Variants in LBR observed in about 807,000 individuals in gnomAD.
LBR encodes the protein delta(14)-sterol reductase LBR.
A neutral mutation model predicts 74.3 loss-of-function variants in LBR; 28 were observed. That is an observed-to-expected ratio of 0.38 (90% CI 0.28 to 0.52). LBR has a LOEUF of 0.52. Ranked by LOEUF, LBR falls within the 20% of genes least tolerant of loss-of-function variation. LBR has a pLI of 0.89. For missense variants in LBR, 717 were observed against 760.3 expected (o/e 0.94, Z 0.67); for synonymous variants, 228 against 269.3 (o/e 0.85, Z 1.50).
At position 225,410,395 on chromosome 1, in the gene LBR, G is replaced by C. The variant is rs1558651789; in HGVS notation, c.1210C>G (p.Leu404Val). ...IGWVVINLVMLLAEMKIQDRA... is the reference protein window; with the variant it reads ...IGWVVINLVMVLAEMKIQDRA... ...TCCTGTATTTTCATTTCAGCCAAAA[G>C]CATCACCAAGTTAATAACCACCTGA... The change falls in exon 10 of 14, where the codon CTT becomes GTT. Residue 404 changes from leucine (L) to valine (V), a missense_variant. Transcript: ENST00000272163. The C allele has an allele frequency of 3.7e-6, 6 of 1,614,122 alleles. No individual in the cohort carries two copies. Among genetic ancestry groups the C allele is most frequent in the Non-Finnish European group, 5.1e-6 (6 of 1,180,030 alleles).
Position 225,424,105 on chromosome 1 carries a change from G to C in LBR, c.-14-16C>G. 1.2e-6 allele frequency: 2 copies of C among 1,603,742 alleles called. No homozygotes were observed. The highest frequency in any genetic ancestry group is 1.7e-6 in the Non-Finnish European group (2 of 1,170,840). On this transcript the variant is annotated splice_polypyrimidine_tract_variant and intron_variant, in intron 1 of 13. Coordinates refer to ENST00000272163, the MANE Select transcript of LBR (RefSeq NM_002296.4). ...TATAATTAACCTGAATAGTTTTAAA[G>C]AAAAAAATTTGAGTCAATACATACA... is the stretch of plus-strand genomic sequence containing the variant.
intron 1 of LBR, among the ~76,000 whole-genome samples, chr1:225,426,597 C>A (rs1398846933): frequency 6.6e-6 from 1 of 152,000 alleles, no homozygotes; most frequent in Admixed American, 6.5e-5. Flanking sequence ...ATTCTCTGCT[C>A]ATTAACATTA....
At chr1:225,413,829 T>C (rs1169136444) in intron 7 of LBR, 1 of 380,084 alleles carries the variant, frequency 2.6e-6, no homozygotes, top group South Asian at 1.9e-5. Flanking sequence ...TTAAAAAGGA[T>C]CAAGCAACTT....
At chr1:225,423,436 G>GC (rs2096132243) in intron 2 of LBR, among the ~76,000 whole-genome samples, 1 of 151,764 alleles carries the variant, frequency 6.6e-6, no homozygotes, top group Non-Finnish European at 1.5e-5. Flanking sequence ...CTCCTGCTTA[G>GC]CCCTCCCCTA....
At position 225,416,199 on chromosome 1, in the gene LBR, GAAA is replaced by G. The variant is rs767088477; in HGVS notation, c.838-870_838-868del. On this transcript the variant is annotated intron_variant, in intron 6 of 13. Transcript: ENST00000272163. ...GCAACAGAGCAAGACCCTGTCTCAA[GAAA>G]AAAAAAAAAAAAGAGAGAGAGAGAG... is the stretch of plus-strand genomic sequence containing the variant. Among the ~76,000 whole-genome samples the G allele has an allele frequency of 8.2e-3, 1,154 of 140,116 alleles. 8 individuals carry two copies. The highest frequency in any genetic ancestry group is 0.013 in the Non-Finnish European group (859 of 65,874). The allele number at this position is 140,116 out of a possible 152,430, so 91.9% of individuals were successfully genotyped here.
At chr1:225,405,751 T>G (rs1024874616) in intron 11 of LBR, among the ~76,000 whole-genome samples, 1 of 152,204 alleles carries the variant, frequency 6.6e-6, no homozygotes, top group Non-Finnish European at 1.5e-5. Flanking sequence ...AACTAAGACA[T>G]TCCCCATTTT....
chr1:225,413,004 C>T (rs181486871), intron 7 of LBR, among the ~76,000 whole-genome samples: 296 of 152,286 alleles, frequency 1.9e-3, no homozygotes, highest in Middle Eastern at 3.4e-3. Context: ...CTGGGCCAAA[C>T]ACATATTTTA....
rs751124930 is a variant in LBR, at chr1:225,422,192, G to C, written c.251C>G (p.Ser84Cys). 2.5e-6 allele frequency: 4 copies of C among 1,614,050 alleles called. No homozygotes were observed. The South Asian group carries it at 3.3e-5, about 13-fold the overall frequency. The change falls in exon 3 of 14, where the codon TCC becomes TGC. Residue 84 changes from serine to cysteine, a missense_variant. Coordinates refer to ENST00000272163, the MANE Select transcript of LBR (RefSeq NM_002296.4). ...TTTAGGTGGTCGACCAGGGGATCGG[G>C]AGCGTGACCTTGATCGACTCCCTCG... is the stretch of plus-strand genomic sequence containing the variant. ...RRRGSRSRSRSRSPGRPPKSA... is the reference protein window; with the variant it reads ...RRRGSRSRSRCRSPGRPPKSA...
upstream of LBR, chr1:225,428,666 G>C (rs956192972): frequency 9.9e-5 from 15 of 152,210 alleles, no homozygotes; most frequent in African/African-American, 3.6e-4. Flanking sequence ...CCGGCGGCGG[G>C]AGGGAGGGGG....
At position 225,418,078 on chromosome 1, in the gene LBR, G is replaced by A. The variant is rs140008883; in HGVS notation, c.743C>T (p.Pro248Leu). The A allele has an allele frequency of 2.9e-4, 467 of 1,614,162 alleles. No homozygotes were observed. The highest frequency in any genetic ancestry group is 3.8e-4 in the Non-Finnish European group (448 of 1,180,018). The change falls in exon 6 of 14, where the codon CCA (proline) becomes CTA (leucine). Residue 248 changes from proline to leucine, a missense_variant. Physicochemically the swap from Pro to Leu is moderately conservative, Grantham distance 98 (BLOSUM62 -3). Transcript: ENST00000272163. ...PSLLNFPPPL[P>L]ALYELWETRV... Reference sequence around the variant, plus strand: ...GGTTTCCCATAACTCATACAAAGCTGGCAAAGGAGGAGGGAAATTCAGAAG... The same window carrying A: ...GGTTTCCCATAACTCATACAAAGCTAGCAAAGGAGGAGGGAAATTCAGAAG...
chr1:225,420,089 CCT>C lies in LBR; in HGVS notation c.367-293_367-292del, dbSNP rs1275724244. On this transcript the variant is annotated intron_variant, in intron 3 of 13. Transcript: ENST00000272163. The stretch of plus-strand genomic sequence containing the variant: ...TTGGGAGGCCAAGGCGGGTGGATCA[CCT>C]GAGGTCAGGAGTTCAAGACCAGCCT... 6.6e-5 allele frequency among the ~76,000 whole-genome samples: 10 copies of C among 152,216 alleles called. 1 individual carries two copies. In the East Asian group the frequency reaches 1.9e-3, roughly 30 times the overall value.
rs2096101982 is a variant in LBR, at chr1:225,410,284, T to G, written c.1314+7A>C. ...ACTCCAAGGCCTCGGCTCTTAAAAT[T>G]AATTACCTCATTCCAGAGAGCATCC... is the stretch of plus-strand genomic sequence containing the variant. On this transcript the variant is annotated splice_region_variant and intron_variant, in intron 10 of 13. Transcript: ENST00000272163. 2 of 1,614,006 alleles carry G rather than the reference T, an allele frequency of 1.2e-6. No individual in the cohort carries two copies. Among genetic ancestry groups the G allele is most frequent in the Non-Finnish European group, 1.7e-6 (2 of 1,179,948 alleles).
intron 1 of LBR, among the ~76,000 whole-genome samples, chr1:225,426,469 A>G (rs1477436499): frequency 6.6e-6 from 1 of 152,212 alleles, no homozygotes; most frequent in Non-Finnish European, 1.5e-5. Flanking sequence ...AACAGGAAAA[A>G]CACGGAGACC....
rs1215843389 is a variant in LBR, at chr1:225,403,382, T to C, written c.1769A>G (p.His590Arg). The change falls in exon 14 of 14, where the codon CAC becomes CGC. Residue 590 changes from histidine (H) to arginine (R), a missense_variant. By Grantham distance (29) the His-to-Arg change is conservative (BLOSUM62 0). Coordinates refer to ENST00000272163, the MANE Select transcript of LBR (RefSeq NM_002296.4). ...AGCCACGCCGTATTTCTTCTTACAG[T>C]GGTACTCGTCACGAGCTTCTCGGTG... ...LVHREARDEY[H>R]CKKKYGVAWE... is the part of the protein sequence containing the mutation. 50 of 1,613,374 alleles carry C rather than the reference T, an allele frequency of 3.1e-5. No homozygotes were observed. The highest frequency in any genetic ancestry group is 4.2e-5 in the Non-Finnish European group (50 of 1,179,696).
intron 2 of LBR, 93 bp downstream of exon 2, chr1:225,423,818 G>T (rs567040341): frequency 1.6e-6 from 2 of 1,245,900 alleles, no homozygotes; most frequent in South Asian, 1.2e-5. Flanking sequence ...CCTTCAAACC[G>T]AGCTGAACTG....
At chr1:225,422,981 G>A (rs1321110548) in intron 2 of LBR, among the ~76,000 whole-genome samples, 1 of 152,144 alleles carries the variant, frequency 6.6e-6, no homozygotes, top group Non-Finnish European at 1.5e-5. Flanking sequence ...CTTCCATACT[G>A]CCTGGAGCCG....
At position 225,403,203 on chromosome 1, in the gene LBR, C is replaced by T; in HGVS notation, c.*100G>A. 9.7e-6 allele frequency: 11 copies of T among 1,129,928 alleles called. No homozygotes were observed. The highest frequency in any genetic ancestry group is 1.5e-5 in the Non-Finnish European group (11 of 742,424). 70.0% of individuals were successfully genotyped at this position (1,129,928 alleles called of 1,614,324 possible). On this transcript the variant is annotated 3_prime_UTR_variant, in exon 14 of 14. Transcript: ENST00000272163. ...TCAAAAAGAAAAAAAAAAGTACAGA[C>T]CCTGTCAGTGCAACAAAAGAAAGTT...
At position 225,415,416 on chromosome 1, in the gene LBR, G is replaced by C; in HGVS notation, c.838-84C>G. The C allele has an allele frequency of 8.4e-6, 6 of 714,648 alleles. No homozygotes were observed. The South Asian group carries it at 1.0e-4, about 12-fold the overall frequency. 44.3% of individuals were successfully genotyped at this position (714,648 alleles called of 1,614,324 possible). A position where few individuals can be genotyped will look rare whatever the true frequency, so the allele number is the denominator to read the frequency against. The stretch of plus-strand genomic sequence containing the variant: ...TACACACACACATATATATATTCTA[G>C]TATCACTTAATTTTCAACACGCCCA... On this transcript the variant is annotated intron_variant, in intron 6 of 13. Coordinates refer to ENST00000272163, the MANE Select transcript of LBR (RefSeq NM_002296.4).
At position 225,422,231 on chromosome 1, in the gene LBR, G is replaced by A. The variant is rs927660579; in HGVS notation, c.212C>T (p.Ser71Phe). Residue 71 changes from serine to phenylalanine, a missense_variant, in exon 3 of 14, where the codon TCC (serine) becomes TTC (phenylalanine). By Grantham distance (155) the Ser-to-Phe change is radical. Transcript: ENST00000272163. Reference sequence around the variant, plus strand: ...TCGACTCCCTCGGCGTCTGGAAGGGGAACTGGAAGTTGAGCCACCTTTCCT... The same window carrying A: ...TCGACTCCCTCGGCGTCTGGAAGGGAAACTGGAAGTTGAGCCACCTTTCCT... ...RQRKGGSTSS[S>F]PSRRRGSRSR... is the part of the protein sequence containing the mutation. The A allele has an allele frequency of 1.9e-6, 3 of 1,613,816 alleles. No homozygotes were observed. The highest frequency in any genetic ancestry group is 2.5e-6 in the Non-Finnish European group (3 of 1,180,042).
Sources: allele counts gnomAD v4.1 joint callset (sites outside exome capture counted in the v4.1 genomes callset), GRCh38; gene constraint gnomAD v4.1.1; transcripts MANE v1.5; gene names NCBI Gene and HGNC (gene_info 2026-07-23, HGNC 2026-07-21).